Variants in ANKRD50 observed in about 807,000 individuals in gnomAD.
ANKRD50 encodes ankyrin repeat domain-containing protein 50.
In ANKRD50, 40 loss-of-function variants were observed where a neutral mutation model predicts 112.0. The ratio of observed to expected loss-of-function variants is 0.36; its 90% CI spans 0.28 to 0.46. The LOEUF (loss-of-function observed/expected upper bound fraction) is 0.46. Ranked by LOEUF, ANKRD50 falls within the 20% of genes least tolerant of loss-of-function variation. The pLI is 1.00. For synonymous variants in ANKRD50, 613 were observed against 619.1 expected, an observed-to-expected ratio of 0.99 and a Z score of 0.15; for missense variants, 1,487 against 1,701.7, an observed-to-expected ratio of 0.87 and a Z score of 2.22.
At chr4:124,682,895 T>G (rs1724925872) in intron 2 of ANKRD50, among the ~76,000 whole-genome samples, 1 of 152,132 alleles carries the variant, frequency 6.6e-6, no homozygotes, top group Admixed American at 6.5e-5. Context: ...TAGGGTACAG[T>G]TTAAATCTAT....
intron 2 of ANKRD50, among the ~76,000 whole-genome samples, chr4:124,687,367 C>T (rs1725030893): frequency 6.6e-6 from 1 of 151,950 alleles, no homozygotes; most frequent in East Asian, 1.9e-4. Context: ...TATCTCTCAC[C>T]CCGTCCCACA....
rs575164829 is a variant in ANKRD50 at position 124,684,900 on chromosome 4, C to A, written c.513-5995G>T. 1.7e-4 allele frequency among the ~76,000 whole-genome samples: 26 copies of A among 152,142 alleles called. 1 individual carries two copies. In the South Asian group the frequency reaches 3.9e-3, roughly 23 times the overall value. ...ACCAAGCTTTTTTCTTTTTCCCCCC[C>A]ATTCAGGACCTATTTCTAACACTGA... On this transcript the variant is annotated intron_variant, in intron 2 of 4. Transcript: ENST00000504087.
intron 2 of ANKRD50, among the ~76,000 whole-genome samples, chr4:124,701,930 A>C (rs1430056639): frequency 6.6e-6 from 1 of 152,226 alleles, no homozygotes; most frequent in African/African-American, 2.4e-5. Flanking sequence ...AACGAGACCT[A>C]AAAGCAAACT....
chr4:124,686,918 C>A lies in ANKRD50; in HGVS notation c.513-8013G>T, dbSNP rs955720326. Among the ~76,000 whole-genome samples, 4 of 152,146 alleles carry A rather than the reference C, an allele frequency of 2.6e-5. 1 individual carries two copies. Among genetic ancestry groups the A allele is most frequent in the Non-Finnish European group, 5.9e-5 (4 of 68,030 alleles). On this transcript the variant is annotated intron_variant, in intron 2 of 4. Transcript: ENST00000504087. ...CTGACTAGCTTAACTCACCTCTCCT[C>A]CACATTAAAGCCTCCTGCAGAAAAC...
At chr4:124,681,627 TAGAC>T (rs1412416887) in intron 2 of ANKRD50, among the ~76,000 whole-genome samples, 1 of 152,160 alleles carries the variant, frequency 6.6e-6, no homozygotes, top group Non-Finnish European at 1.5e-5. Context: ...TAGCAAAAAG[TAGAC>T]AGATTTGAAA....
At position 124,669,830 on chromosome 4, in the gene ANKRD50, C is replaced by A; in HGVS notation, c.3447G>T (p.Ser1149=). The stretch of plus-strand genomic sequence containing the variant: ...TAGGCCCATTAGGTAAACCACGTAA[C>A]GAAGGCTGCATATCCCCTCCACCAG... ...GSTGGGDMQP[S]LRGLPNGPTH... is the part of the protein sequence containing the mutation. Residue 1149 remains serine (S), a synonymous_variant, in exon 4 of 5, where the codon TCG becomes TCT. Transcript: ENST00000504087. 4 of 1,612,716 alleles carry A rather than the reference C, an allele frequency of 2.5e-6. No homozygotes were observed. Among genetic ancestry groups the A allele is most frequent in the Non-Finnish European group, 3.4e-6 (4 of 1,179,606 alleles).
At chr4:124,682,173 G>A (rs938992995) in intron 2 of ANKRD50, among the ~76,000 whole-genome samples, 14 of 151,566 alleles carry the variant, frequency 9.2e-5, no homozygotes, top group African/African-American at 1.7e-4. Flanking sequence ...AAAATTAGCC[G>A]GGCGCGGTGG....
intron 2 of ANKRD50, among the ~76,000 whole-genome samples, chr4:124,689,393 C>G (rs556888271): frequency 1.3e-5 from 2 of 152,126 alleles, no homozygotes; most frequent in South Asian, 2.1e-4. Context: ...GCCAACTTGA[C>G]TGGGTGACAG....
rs1730671198 is a variant in ANKRD50 at position 124,672,078 on chromosome 4, A to G, written c.1199T>C (p.Leu400Pro). 1 of 1,613,890 alleles carries G rather than the reference A, an allele frequency of 6.2e-7. No individual in the cohort carries two copies. The highest frequency in any genetic ancestry group is 8.5e-7 in the Non-Finnish European group (1 of 1,179,864). Residue 400 changes from leucine to proline, a missense_variant, in exon 4 of 5, where the codon CTA (leucine) becomes CCA (proline). This residue lies in a region of ANKRD50 where 1,046 missense variants were observed against 1,269.5 expected (regional missense o/e 0.82). Transcript: ENST00000504087. ...DILSKLLVDG[L>P]GNTKILFHYS... ...ATGAAACAGTATTTTTGTATTTCCTAGTCCATCAACAAGAAGTTTGGAGAG... is the reference window on the plus strand; with the variant it reads ...ATGAAACAGTATTTTTGTATTTCCTGGTCCATCAACAAGAAGTTTGGAGAG...
intron 2 of ANKRD50, among the ~76,000 whole-genome samples, chr4:124,693,072 C>T (rs1327318664): frequency 1.3e-5 from 2 of 152,086 alleles, no homozygotes; most frequent in East Asian, 1.9e-4. Flanking sequence ...ATTTTGAAGT[C>T]CCTCTTCTTA....
At chr4:124,699,372 T>C (rs1021645933) in intron 2 of ANKRD50, among the ~76,000 whole-genome samples, 1 of 152,162 alleles carries the variant, frequency 6.6e-6, no homozygotes, top group African/African-American at 2.4e-5. Context: ...ACAAATTGCT[T>C]TCTTATAAGG....
intron 2 of ANKRD50, among the ~76,000 whole-genome samples, chr4:124,691,498 CAAAAAAAAAAAAAAAA>C (rs71583369): frequency 1.7e-5 from 1 of 59,764 alleles, no homozygotes; most frequent in Non-Finnish European, 2.8e-5. Flanking sequence ...GACTCCGTCT[CAAAAAAAAAAAAAAAA>C]AAAAAAAAAA....
chr4:124,709,623 T>G (rs1578597812), intron 2 of ANKRD50, among the ~76,000 whole-genome samples: 1 of 152,008 alleles, frequency 6.6e-6, no homozygotes, highest in African/African-American at 2.4e-5. Context: ...AAAAAGATAC[T>G]AGATGCTATA....
intron 2 of ANKRD50, among the ~76,000 whole-genome samples, chr4:124,709,309 G>A (rs991202957): frequency 9.2e-5 from 14 of 152,024 alleles, no homozygotes; most frequent in Non-Finnish European, 1.3e-4. Context: ...AAACCACTCT[G>A]GAAAGCAACT....
At position 124,671,372 on chromosome 4, in the gene ANKRD50, T is replaced by C. The variant is rs1730647868; in HGVS notation, c.1905A>G (p.Val635=). 1 of 1,613,856 alleles carries C rather than the reference T, an allele frequency of 6.2e-7. No individual in the cohort carries two copies. The highest frequency in any genetic ancestry group is 1.1e-5 in the South Asian group (1 of 91,078). ...TATCAGCATCTGCACAATCCACTTT[T>C]ACGCCAGCATAAAGTAGTGCAGAAA... ...EVVSALLYAG[V]KVDCADADSR... Residue 635 remains valine (V), a synonymous_variant, in exon 4 of 5, where the codon GTA becomes GTG. Transcript: ENST00000504087.
At chr4:124,699,332 A>AGG (rs1725335496) in intron 2 of ANKRD50, among the ~76,000 whole-genome samples, 1 of 151,854 alleles carries the variant, frequency 6.6e-6, no homozygotes. Flanking sequence ...GAAATGCTTC[A>AGG]GGGGATGAAA....
intron 2 of ANKRD50, among the ~76,000 whole-genome samples, chr4:124,698,857 ATT>A (rs1480912113): frequency 1.3e-5 from 2 of 152,110 alleles, no homozygotes; most frequent in Non-Finnish European, 2.9e-5. Context: ...ATACTCCTCC[ATT>A]TACTTAATTT....
intron 4 of ANKRD50, among the ~76,000 whole-genome samples, chr4:124,668,609 T>C (rs187177871): frequency 6.3e-4 from 96 of 152,198 alleles, no homozygotes; most frequent in African/African-American, 2.2e-3. Context: ...TTCATTCACT[T>C]ATTCAACAAA....
chr4:124,698,041 G>C (rs571712091), intron 2 of ANKRD50, among the ~76,000 whole-genome samples: 2 of 152,292 alleles, frequency 1.3e-5, no homozygotes, highest in South Asian at 4.1e-4. Context: ...CTGTAAAAGG[G>C]AACAGTGAAG....
Sources: gnomAD v4.1 joint callset for allele counts (sites outside exome capture counted in the v4.1 genomes callset) on GRCh38, gnomAD v4.1.1 for gene constraint, gnomAD v4.1.1 regional missense constraint, MANE v1.5 for transcripts, NCBI Gene and HGNC (gene_info 2026-07-23, HGNC 2026-07-21) for gene names.